The following CEP63 variants were observed in gnomAD, a reference collection of about 807,000 sequenced individuals.
CEP63 encodes the protein centrosomal protein of 63 kDa.
A neutral mutation model predicts 89.1 loss-of-function variants in CEP63; 84 were observed. The ratio of observed to expected loss-of-function variants is 0.94; its 90% confidence interval spans 0.79 to 1.13. CEP63 has a LOEUF of 1.13. Among genes scored for constraint, CEP63 ranks in the 50% most tolerant of loss-of-function variants. The pLI is 0.00. For synonymous variants in CEP63, 267 were observed against 272.5 expected (o/e 0.98, Z 0.20); for missense variants, 838 against 813.3 (o/e 1.03, Z -0.37).
chr3:134,486,435 C>A, intron 1 of CEP63: 4 of 985,550 alleles, frequency 4.1e-6, no homozygotes, highest in Non-Finnish European at 4.8e-6. Context: ...CGGCCTGGCC[C>A]GCTATGCCCT....
chr3:134,653,151 A>G, the CEP63 span, among the ~76,000 whole-genome samples: 7 of 152,206 alleles, frequency 4.6e-5, no homozygotes, highest in Non-Finnish European at 8.8e-5. Context: ...AGGGCCTCTC[A>G]TCCTTGGCGC....
chr3:134,767,389 C>G, the CEP63 span, among the ~76,000 whole-genome samples: 4 of 152,166 alleles, frequency 2.6e-5, no homozygotes, highest in Admixed American at 2.6e-4. Context: ...CATTTACAAT[C>G]AGGCTGGAGG....
chr3:134,603,482 G>T, the CEP63 span: 1 of 1,085,318 alleles, frequency 9.2e-7, no homozygotes, highest in Non-Finnish European at 1.3e-6. Flanking sequence ...ATTTCATGCA[G>T]ACTCAGTGGT....
At chr3:134,573,867 C>G (rs1482502873) in intron 11 of CEP63, among the ~76,000 whole-genome samples, 1 of 152,148 alleles carries the variant, frequency 6.6e-6, no homozygotes, top group African/African-American at 2.4e-5. Flanking sequence ...TCTGACAGAT[C>G]AGAGCATTCT....
the CEP63 span, among the ~76,000 whole-genome samples, chr3:134,647,798 A>G: frequency 6.6e-6 from 1 of 152,224 alleles, no homozygotes; most frequent in Non-Finnish European, 1.5e-5. Flanking sequence ...CATACATATG[A>G]AAGCATTATT....
At chr3:134,703,433 T>C in the CEP63 span, among the ~76,000 whole-genome samples, 1 of 152,080 alleles carries the variant, frequency 6.6e-6, no homozygotes, top group African/African-American at 2.4e-5. Flanking sequence ...CACCATGGGA[T>C]ATCACACAGC....
At chr3:134,711,080 C>T in the CEP63 span, among the ~76,000 whole-genome samples, 11 of 152,212 alleles carry the variant, frequency 7.2e-5, no homozygotes, top group East Asian at 7.7e-4. Context: ...ACACACATGA[C>T]CCTCCACTCT....
chr3:134,596,035 C>T, the CEP63 span, among the ~76,000 whole-genome samples: 4 of 110,512 alleles, frequency 3.6e-5, no homozygotes, highest in South Asian at 3.5e-4. Context: ...GAAGCTTTCC[C>T]GTGGAAAGGT....
chr3:134,560,537 G>A (rs553650805), intron 14 of CEP63, among the ~76,000 whole-genome samples: 9 of 152,276 alleles, frequency 5.9e-5, no homozygotes, highest in Admixed American at 3.3e-4. Flanking sequence ...ACGGGACAGC[G>A]CAGTGTAGGG....
chr3:134,775,538 C>A, the CEP63 span, among the ~76,000 whole-genome samples: 1 of 152,126 alleles, frequency 6.6e-6, no homozygotes, highest in South Asian at 2.1e-4. Context: ...GAAGTGTTGG[C>A]GGCCAATACT....
the CEP63 span, among the ~76,000 whole-genome samples, chr3:134,781,497 G>C: frequency 1.3e-5 from 2 of 152,198 alleles, no homozygotes; most frequent in African/African-American, 4.8e-5. Context: ...ACTGGGGACG[G>C]CTTCAGTGAG....
the CEP63 span, among the ~76,000 whole-genome samples, chr3:134,605,563 C>G: frequency 1.3e-5 from 2 of 152,180 alleles, no homozygotes; most frequent in African/African-American, 4.8e-5. Context: ...GATGGGGAGG[C>G]TGCTTAGACA....
the CEP63 span, among the ~76,000 whole-genome samples, chr3:134,745,055 T>C: frequency 6.6e-6 from 1 of 152,180 alleles, no homozygotes; most frequent in Non-Finnish European, 1.5e-5. Flanking sequence ...CCCCAAAGAA[T>C]TTCCTCCTGT....
In CEP63 at chr3:134,555,051, G is replaced by A. The variant is rs575008507; in HGVS notation, c.1467+3039G>A. ...TGATTATCTCAATAGATGCAGAAAA[G>A]GCCTTTGACAAAATTCAACAACCCT... is the stretch of plus-strand genomic sequence containing the variant. On this transcript the variant is annotated intron_variant, in intron 12 of 14. Transcript: ENST00000675561. 2.8e-4 allele frequency among the ~76,000 whole-genome samples: 43 copies of A among 151,934 alleles called. No individual in the cohort carries two copies. The South Asian group carries it at 4.2e-3, about 15-fold the overall frequency.
chr3:134,720,294 A>G, the CEP63 span, among the ~76,000 whole-genome samples: 2 of 152,100 alleles, frequency 1.3e-5, no homozygotes, highest in East Asian at 1.9e-4. Flanking sequence ...CTTTTTTCCC[A>G]TTAAAAAATA....
chr3:134,665,086 C>T, the CEP63 span, among the ~76,000 whole-genome samples: 3 of 152,172 alleles, frequency 2.0e-5, no homozygotes, highest in Admixed American at 6.5e-5. Flanking sequence ...TCTGGTCCCA[C>T]CCTGTAGGTC....
the CEP63 span, among the ~76,000 whole-genome samples, chr3:134,634,643 A>G: frequency 6.6e-6 from 1 of 152,242 alleles, no homozygotes; most frequent in East Asian, 1.9e-4. Flanking sequence ...ACAATATGCA[A>G]CTGGCCCTTG....
chr3:134,540,737 G>A (rs1951819203), intron 6 of CEP63, among the ~76,000 whole-genome samples: 1 of 132,670 alleles, frequency 7.5e-6, no homozygotes, highest in Non-Finnish European at 1.7e-5. Context: ...TAAATTATTT[G>A]TGTCCTTTAT....
Position 134,559,358 on chromosome 3 carries a change from G to C in CEP63, c.1882G>C (p.Asp628His). The change falls in exon 14 of 15, where the codon GAT becomes CAT. Residue 628 changes from aspartate to histidine, a missense_variant. Coordinates refer to ENST00000675561, the MANE Select transcript of CEP63 (RefSeq NM_001353108.3). ...CKTHSLPSAL[D>H]TNEANFSDTM... ...AACTCATTCTTTGCCTTCAGCGCTA[G>C]ATACAAATGAAGCCAATTTTTCTGA... 6.2e-7 allele frequency: 1 copy of C among 1,614,072 alleles called. No individual in the cohort carries two copies. Among genetic ancestry groups the C allele is most frequent in the Non-Finnish European group, 8.5e-7 (1 of 1,179,910 alleles).
Sources: gnomAD v4.1 joint callset for allele counts (sites outside exome capture counted in the v4.1 genomes callset) on GRCh38, gnomAD v4.1.1 for gene constraint, MANE v1.5 for transcripts, NCBI Gene and HGNC (gene_info 2026-07-23, HGNC 2026-07-21) for gene names.